The following VCL variants were observed in gnomAD, a reference collection of about 807,000 sequenced individuals.
VCL encodes epididymis luminal protein 114.
In VCL, 47 loss-of-function variants were observed where a neutral mutation model predicts 125.7. The observed-to-expected ratio is 0.37, with a 90% CI of 0.30 to 0.48. The LOEUF is 0.48. VCL is among the 20% of genes least tolerant of loss of function. The pLI is 0.99. For synonymous variants in VCL, 458 were observed against 514.6 expected, an observed-to-expected ratio of 0.89 and a Z score of 1.49; for missense variants, 1,069 against 1,455.5, an observed-to-expected ratio of 0.73 and a Z score of 4.32.
chr10:74,089,386 T>C (rs1564528053), intron 9 of VCL, 37 bp downstream of exon 9: 1 of 1,611,374 alleles, frequency 6.2e-7, no homozygotes, highest in Non-Finnish European at 8.5e-7. Flanking sequence ...TGGGAAATAT[T>C]TCATAAATAT....
intron 8 of VCL, among the ~76,000 whole-genome samples, chr10:74,088,321 A>G (rs1324459072): frequency 6.6e-6 from 1 of 152,224 alleles, no homozygotes; most frequent in Non-Finnish European, 1.5e-5. Context: ...TAGTAGTAAT[A>G]GCATATCATT....
chr10:74,061,891 T>G (rs1841485228), intron 2 of VCL, among the ~76,000 whole-genome samples: 1 of 147,148 alleles, frequency 6.8e-6, no homozygotes, highest in Admixed American at 7.1e-5. Flanking sequence ...TTTATCTAAC[T>G]AGGGTAACCA....
chr10:74,036,761 G>A (rs2136244362), intron 1 of VCL, among the ~76,000 whole-genome samples: 1 of 151,614 alleles, frequency 6.6e-6, no homozygotes, highest in South Asian at 2.1e-4. Flanking sequence ...TGTTTGCAAA[G>A]TTGTAGTCTA....
intron 1 of VCL, among the ~76,000 whole-genome samples, chr10:74,038,913 A>AT (rs1265969911): frequency 6.8e-6 from 1 of 146,928 alleles, no homozygotes; most frequent in East Asian, 2.0e-4. Flanking sequence ...TTTTTTTTTT[A>AT]TTTTTTCCTT....
intron 14 of VCL, among the ~76,000 whole-genome samples, chr10:74,103,328 G>T (rs1457239575): frequency 6.6e-6 from 1 of 152,154 alleles, no homozygotes; most frequent in Non-Finnish European, 1.5e-5. Context: ...GTAACTGACT[G>T]GCCAGGACCT....
At chr10:74,106,105 A>G (rs1006450643) in intron 16 of VCL, among the ~76,000 whole-genome samples, 3 of 147,248 alleles carry the variant, frequency 2.0e-5, no homozygotes, top group African/African-American at 7.5e-5. Context: ...TAGTTTTAGT[A>G]GAGGCAGAGT....
chr10:74,114,228 G>A lies in VCL; in HGVS notation c.2994G>A (p.Met998Ile). The A allele has an allele frequency of 6.2e-7, 1 of 1,613,998 alleles. No homozygotes were observed. Among genetic ancestry groups the A allele is most frequent in the Non-Finnish European group, 8.5e-7 (1 of 1,180,028 alleles). Residue 998 changes from methionine (M) to isoleucine (I), a missense_variant, in exon 20 of 22, where the codon ATG becomes ATA. By Grantham distance (10) the Met-to-Ile change is conservative. Around this residue, in one of 6 missense-constraint regions of VCL, gnomAD observed 91 missense variants for 203.9 expected, o/e 0.45. Transcript: ENST00000211998. The part of the protein sequence containing the change: ...IAAAKRMALL[M>I]AEMSRLVRGG... ...CAGCCAAGCGCATGGCTCTGCTGAT[G>A]GCTGAGATGTCTCGGCTGGTAAGAG...
Position 74,007,937 on chromosome 10 carries a change from G to C in VCL, c.168+9562G>C, listed in dbSNP as rs555940035. ...CCTGCCTCAGCCTCCCAAGTAGCTG[G>C]AATTACAGGCACCCACCACCATGGA... On this transcript the variant is annotated intron_variant, in intron 1 of 21. Transcript: ENST00000211998. Among the ~76,000 whole-genome samples, 8 of 152,114 alleles carry C rather than the reference G, an allele frequency of 5.3e-5. No individual in the cohort carries two copies. In the East Asian group the frequency reaches 1.5e-3, roughly 29 times the overall value.
At chr10:74,048,416 C>T (rs1036970177) in intron 2 of VCL, among the ~76,000 whole-genome samples, 4 of 149,198 alleles carry the variant, frequency 2.7e-5, no homozygotes, top group Admixed American at 6.8e-5. Flanking sequence ...TGCAGTGAGC[C>T]GAGATCATGC....
intron 2 of VCL, among the ~76,000 whole-genome samples, chr10:74,067,831 G>T (rs1243489742): frequency 6.6e-6 from 1 of 152,184 alleles, no homozygotes; most frequent in Non-Finnish European, 1.5e-5. Context: ...GGGGACGGGG[G>T]AAGGAGAAAA....
At chr10:74,113,408 C>T (rs1467946687) in intron 19 of VCL, among the ~76,000 whole-genome samples, 1 of 152,140 alleles carries the variant, frequency 6.6e-6, no homozygotes, top group African/African-American at 2.4e-5. Flanking sequence ...CTCTTGCATC[C>T]TCTTAGCTGA....
chr10:74,050,298 A>C (rs1010382906), intron 2 of VCL, among the ~76,000 whole-genome samples: 1 of 152,214 alleles, frequency 6.6e-6, no homozygotes, highest in Non-Finnish European at 1.5e-5. Flanking sequence ...GAATAAAAGA[A>C]TGTTCCCAAA....
intron 13 of VCL, among the ~76,000 whole-genome samples, chr10:74,099,501 A>T (rs1430288916): frequency 1.3e-5 from 2 of 152,112 alleles, no homozygotes; most frequent in Non-Finnish European, 2.9e-5. Context: ...CTGTATTGTA[A>T]ATCTGTTTTC....
chr10:74,048,959 T>C (rs768392922), intron 2 of VCL, among the ~76,000 whole-genome samples: 3 of 151,850 alleles, frequency 2.0e-5, no homozygotes, highest in Non-Finnish European at 4.4e-5. Flanking sequence ...ATACAAAAAA[T>C]TAGCCGGACG....
At chr10:74,110,609 T>G (rs1248589205) in intron 18 of VCL, among the ~76,000 whole-genome samples, 1 of 152,252 alleles carries the variant, frequency 6.6e-6, no homozygotes, top group Non-Finnish European at 1.5e-5. Flanking sequence ...TGGTTGAGTT[T>G]AGGCAAAAGA....
chr10:73,998,586 A>G (rs1024458841), intron 1 of VCL, among the ~76,000 whole-genome samples: 1 of 152,190 alleles, frequency 6.6e-6, no homozygotes, highest in African/African-American at 2.4e-5. Flanking sequence ...CATCTATAAA[A>G]TGGGAGCAGT....
Position 74,118,475 on chromosome 10 carries a change from A to G in VCL, c.*306A>G. On this transcript the variant is annotated 3_prime_UTR_variant, in exon 22 of 22. Coordinates refer to ENST00000211998, the MANE Select transcript of VCL (RefSeq NM_014000.3). ...ACATAAGCTCAGAATCCAAGTGAAC[A>G]CTAGCCAGACACTCTGCTCTGCCCT... 2.4e-6 allele frequency: 1 copy of G among 414,096 alleles called. No homozygotes were observed. Among genetic ancestry groups the G allele is most frequent in the South Asian group, 2.1e-5 (1 of 47,088 alleles). 25.7% of individuals were successfully genotyped at this position (414,096 alleles called of 1,614,324 possible).
intron 2 of VCL, among the ~76,000 whole-genome samples, chr10:74,069,497 T>G (rs935526021): frequency 5.3e-5 from 8 of 152,236 alleles, no homozygotes; most frequent in Non-Finnish European, 1.0e-4. Flanking sequence ...GGTTTAATTC[T>G]ACTTGTTAAC....
At chr10:74,018,193 TATATATATAAATAC>T (rs1217697644) in intron 1 of VCL, among the ~76,000 whole-genome samples, 3 of 140,030 alleles carry the variant, frequency 2.1e-5, no homozygotes, top group Non-Finnish European at 4.7e-5. Context: ...TATATATATA[TATATATATAAATAC>T]ATATATATAT....
Sources: allele counts gnomAD v4.1 joint callset (sites outside exome capture counted in the v4.1 genomes callset), GRCh38; gene constraint gnomAD v4.1.1; regional missense constraint gnomAD v4.1.1; transcripts MANE v1.5; gene names NCBI Gene and HGNC (gene_info 2026-07-23, HGNC 2026-07-21).